Variants in FAM13A observed in about 807,000 individuals in gnomAD.
FAM13A encodes family with sequence similarity 13 member A.
Under a neutral mutation model 129.6 loss-of-function variants are expected in FAM13A, and 76 were observed. That is an observed-to-expected ratio of 0.59 (90% confidence interval 0.49 to 0.71). The LOEUF is 0.71. Among genes scored for constraint, FAM13A ranks in the 30% least tolerant of loss-of-function variants. The pLI is 0.00. For missense variants in FAM13A, 1,108 were observed against 1,249.3 expected (o/e 0.89, Z 1.70); for synonymous variants, 443 against 449.9 (o/e 0.98, Z 0.20).
At chr4:88,945,442 C>A in intron 4 of FAM13A, among the ~76,000 whole-genome samples, 1 of 152,104 alleles carries the variant, frequency 6.6e-6, no homozygotes, top group Non-Finnish European at 1.5e-5. Flanking sequence ...GACTCCCTAT[C>A]GTAGTAAGAC....
intron 4 of FAM13A, among the ~76,000 whole-genome samples, chr4:88,984,943 C>A (rs561891910): frequency 6.6e-6 from 1 of 152,190 alleles, no homozygotes; most frequent in South Asian, 2.1e-4. Flanking sequence ...TAGTTATATA[C>A]CCAAGAGAAA....
chr4:88,874,872 G>A (rs1032392491), intron 6 of FAM13A, among the ~76,000 whole-genome samples: 4 of 152,090 alleles, frequency 2.6e-5, no homozygotes, highest in Non-Finnish European at 4.4e-5. Flanking sequence ...GAGGCATCAC[G>A]CTACCTGACT....
intron 6 of FAM13A, among the ~76,000 whole-genome samples, chr4:88,857,628 CAAAA>C (rs1177788248): frequency 1.7e-4 from 10 of 58,570 alleles, no homozygotes; most frequent in Middle Eastern, 0.01. Flanking sequence ...GATTCTGCCT[CAAAA>C]AAAAAAAAAA....
intron 21 of FAM13A, chr4:88,736,569 C>T (rs1052895103): frequency 6.6e-6 from 1 of 152,120 alleles, no homozygotes; most frequent in African/African-American, 2.4e-5. Flanking sequence ...GTTAGAAAAA[C>T]AATCACTGTT....
At position 88,767,404 on chromosome 4, in the gene FAM13A, T is replaced by A. The variant is rs140074938; in HGVS notation, c.1578+149A>T. On this transcript the variant is annotated intron_variant, in intron 13 of 23. Coordinates refer to ENST00000264344, the MANE Select transcript of FAM13A (RefSeq NM_014883.4). Reference sequence around the variant, plus strand: ...GGAGCTCTTATGATTTCTCAAGGAATCTTTAAGTTTGGTATTTGCCTTTCT... The same window carrying A: ...GGAGCTCTTATGATTTCTCAAGGAAACTTTAAGTTTGGTATTTGCCTTTCT... The A allele has an allele frequency of 2.4e-4, 111 of 457,454 alleles. 1 individual carries two copies. In the East Asian group the frequency reaches 3.7e-3, roughly 15 times the overall value. 28.3% of individuals were successfully genotyped at this position (457,454 alleles called of 1,614,324 possible).
In FAM13A at chr4:88,732,091, G is replaced by A. The variant is rs79098511; in HGVS notation, c.2754C>T (p.Asp918=). The A allele has an allele frequency of 1.4e-3, 2,285 of 1,613,850 alleles. 17 individuals are homozygous for A. In the African/African-American group the frequency reaches 0.022, roughly 16 times the overall value. The change falls in exon 22 of 24, where the codon GAC becomes GAT. Residue 918 remains aspartate (D), a synonymous_variant. Transcript: ENST00000264344. Reference sequence around the variant, plus strand: ...CCATTGGGGAAATAAATCCATCAGCGTCATCTTCGAATTGGTCCAGAAAGC... The same window carrying A: ...CCATTGGGGAAATAAATCCATCAGCATCATCTTCGAATTGGTCCAGAAAGC... ...ARCFLDQFED[D]ADGFISPMDD... is the part of the protein sequence containing the mutation.
At chr4:89,012,101 C>T (rs1028132802) in intron 3 of FAM13A, among the ~76,000 whole-genome samples, 10 of 152,160 alleles carry the variant, frequency 6.6e-5, no homozygotes, top group African/African-American at 2.4e-4. Context: ...GAATTTTCCA[C>T]AGGAAACAGT....
intron 4 of FAM13A, among the ~76,000 whole-genome samples, chr4:88,981,005 GAAT>G (rs1761598448): frequency 6.6e-6 from 1 of 152,166 alleles, no homozygotes; most frequent in South Asian, 2.1e-4. Flanking sequence ...TTGGATAGAA[GAAT>G]AAGTGGAAGG....
At chr4:88,912,353 C>T (rs922243520) in intron 5 of FAM13A, among the ~76,000 whole-genome samples, 3 of 152,118 alleles carry the variant, frequency 2.0e-5, no homozygotes, top group African/African-American at 7.2e-5. Flanking sequence ...TTCCCCTGCT[C>T]TTGGACATTA....
intron 1 of FAM13A, among the ~76,000 whole-genome samples, chr4:89,036,801 C>G (rs1769442012): frequency 6.6e-6 from 1 of 152,190 alleles, no homozygotes; most frequent in African/African-American, 2.4e-5. Flanking sequence ...CCAGCTCCAG[C>G]CATGGCTAAA....
chr4:89,004,919 A>T (rs923072182), intron 3 of FAM13A, among the ~76,000 whole-genome samples: 2 of 151,860 alleles, frequency 1.3e-5, no homozygotes, highest in African/African-American at 4.8e-5. Context: ...TTTTTTTTTA[A>T]CTTTTATTTT....
At chr4:88,812,436 G>A (rs1351960124) in intron 7 of FAM13A, among the ~76,000 whole-genome samples, 1 of 152,048 alleles carries the variant, frequency 6.6e-6, no homozygotes, top group African/African-American at 2.4e-5. Flanking sequence ...GCCTAAATCT[G>A]GCACATGAAG....
At chr4:88,801,971 TC>T (rs1418657553) in intron 8 of FAM13A, among the ~76,000 whole-genome samples, 1 of 151,832 alleles carries the variant, frequency 6.6e-6, no homozygotes, top group Non-Finnish European at 1.5e-5. Context: ...CAGCAACAGA[TC>T]CTAGACAGAT....
intron 7 of FAM13A, among the ~76,000 whole-genome samples, chr4:88,849,091 C>T (rs1737134965): frequency 6.6e-6 from 1 of 152,106 alleles, no homozygotes; most frequent in Non-Finnish European, 1.5e-5. Flanking sequence ...AAGAGAAGCG[C>T]CTGAATCTTA....
At position 88,808,981 on chromosome 4, in the gene FAM13A, C is replaced by T. The variant is rs145042514; in HGVS notation, c.1008-3929G>A. Among the ~76,000 whole-genome samples, 206 of 152,184 alleles carry T rather than the reference C, an allele frequency of 1.4e-3. 1 individual carries two copies. Among genetic ancestry groups the T allele is most frequent in the Middle Eastern group, 6.8e-3 (2 of 294 alleles). On this transcript the variant is annotated intron_variant, in intron 7 of 23. Coordinates refer to ENST00000264344, the MANE Select transcript of FAM13A (RefSeq NM_014883.4). ...CCAATAACTTAGATATTTTTATCTA[C>T]GTTTTAGCAGAGTCCTGTCTAACTT... is the stretch of plus-strand genomic sequence containing the variant.
At chr4:88,922,530 T>A (rs1164149330) in intron 5 of FAM13A, among the ~76,000 whole-genome samples, 2 of 151,716 alleles carry the variant, frequency 1.3e-5, no homozygotes, top group African/African-American at 4.8e-5. Flanking sequence ...CATACCAGAA[T>A]CTCTGGGACA....
At chr4:89,023,464 G>T (rs1767549150) in intron 2 of FAM13A, among the ~76,000 whole-genome samples, 1 of 149,466 alleles carries the variant, frequency 6.7e-6, no homozygotes, top group Non-Finnish European at 1.5e-5. Flanking sequence ...TTTGACCTTA[G>T]TCTTTCTTTT....
At chr4:88,895,311 A>C (rs183177356) in intron 6 of FAM13A, among the ~76,000 whole-genome samples, 1 of 152,176 alleles carries the variant, frequency 6.6e-6, no homozygotes, top group Non-Finnish European at 1.5e-5. Flanking sequence ...AAGAAACATA[A>C]AATGTATGCA....
At chr4:88,884,452 G>A (rs563951144) in intron 6 of FAM13A, among the ~76,000 whole-genome samples, 19 of 152,108 alleles carry the variant, frequency 1.2e-4, no homozygotes, top group Non-Finnish European at 2.4e-4. Context: ...ATCCATCATC[G>A]CTTTATTATT....
Sources: gnomAD v4.1 joint callset for allele counts (sites outside exome capture counted in the v4.1 genomes callset) on GRCh38, gnomAD v4.1.1 for gene constraint, MANE v1.5 for transcripts, NCBI Gene and HGNC (gene_info 2026-07-23, HGNC 2026-07-21) for gene names.